Variants in PDZD2 observed in about 807,000 individuals in gnomAD.
PDZD2 encodes PDZ domain containing 2.
PDZD2 carries 90 observed loss-of-function variants against 220.7 expected under a neutral mutation model. The observed-to-expected ratio is 0.41, with a 90% CI of 0.34 to 0.49. The LOEUF (loss-of-function observed/expected upper bound fraction) is 0.49, where lower values mean the gene tolerates loss of function less well. Ranked by LOEUF, PDZD2 falls within the 20% of genes least tolerant of loss-of-function variation. The pLI, the probability that PDZD2 is intolerant of heterozygous loss-of-function variation, is 0.28. For synonymous variants in PDZD2, 1,375 were observed against 1,450.5 expected (o/e 0.95, Z 1.18); for missense variants, 3,174 against 3,608.5 (o/e 0.88, Z 3.08).
chr5:31,957,421 G>T (rs1486810744), intron 2 of PDZD2, among the ~76,000 whole-genome samples: 1 of 152,058 alleles, frequency 6.6e-6, no homozygotes, highest in Non-Finnish European at 1.5e-5. Context: ...GGCTGACCAG[G>T]GTAACATTCA....
intron 2 of PDZD2, among the ~76,000 whole-genome samples, chr5:31,878,554 G>GGTTTTTTTTTTTT (rs1411853055): frequency 2.5e-5 from 1 of 39,258 alleles, no homozygotes; most frequent in Non-Finnish European, 5.3e-5. Context: ...GATGACCTCG[G>GGTTTTTTTTTTTT]CTTTTTTTTT....
chr5:31,706,013 C>T (rs111878772), intron 1 of PDZD2, among the ~76,000 whole-genome samples: 20,699 of 152,164 alleles, frequency 0.14, 1,522 homozygotes, highest in East Asian at 0.21. Flanking sequence ...GATTATACCA[C>T]TGTACTTCAG....
intron 3 of PDZD2, among the ~76,000 whole-genome samples, chr5:31,985,385 A>T (rs1750634520): frequency 6.6e-6 from 1 of 152,210 alleles, no homozygotes; most frequent in Non-Finnish European, 1.5e-5. Context: ...ACACAGTGGA[A>T]ATAATTTGGA....
chr5:31,675,994 G>A lies in PDZD2; in HGVS notation c.-361+36557G>A, dbSNP rs74292544. Among the ~76,000 whole-genome samples the A allele has an allele frequency of 7.2e-5, 11 of 152,282 alleles. No homozygotes were observed. The East Asian group carries it at 1.9e-3, about 27-fold the overall frequency. ...TGGGATTACAGGCGTGAGCCACCGT[G>A]CCCAGCCTCCTTGAAGAACTTTGAA... On this transcript the variant is annotated intron_variant, in intron 1 of 24. Coordinates refer to ENST00000438447, the MANE Select transcript of PDZD2 (RefSeq NM_178140.4).
intron 1 of PDZD2, among the ~76,000 whole-genome samples, chr5:31,641,861 C>T (rs962203664): frequency 4.6e-4 from 70 of 152,162 alleles, no homozygotes; most frequent in Admixed American, 8.5e-4. Flanking sequence ...TTCTTTAGGG[C>T]CTTATTTTTT....
intron 8 of PDZD2, 195 bp from the exon 9 acceptor site, chr5:32,052,416 G>A: frequency 2.0e-6 from 1 of 504,624 alleles, no homozygotes; most frequent in East Asian, 3.7e-5. Flanking sequence ...AAAGTGCTGG[G>A]ATTACAGGCA....
chr5:32,088,690 G>A lies in PDZD2; in HGVS notation c.5242G>A (p.Glu1748Lys), dbSNP rs745306090. Residue 1748 changes from glutamate to lysine, a missense_variant, in exon 20 of 25, where the codon GAA (glutamate) becomes AAA (lysine). Transcript: ENST00000438447. The surrounding 1 kb of genome is among the most constrained non-coding windows in gnomAD (Gnocchi z 4.6). ...LLDDETLNQY[E>K]TSINAAASLS... ...AGATGACGAAACCCTGAATCAATACGAAACAAGCATTAATGCAGCTGCCAG... is the reference window on the plus strand; with the variant it reads ...AGATGACGAAACCCTGAATCAATACAAAACAAGCATTAATGCAGCTGCCAG... 18 of 1,613,804 alleles carry A rather than the reference G, an allele frequency of 1.1e-5. No homozygotes were observed. Among genetic ancestry groups the A allele is most frequent in the Middle Eastern group, 3.3e-4 (2 of 6,082 alleles).
intron 6 of PDZD2, among the ~76,000 whole-genome samples, chr5:32,020,537 A>T (rs1201873629): frequency 1.3e-5 from 2 of 152,284 alleles, no homozygotes; most frequent in African/African-American, 4.8e-5. Flanking sequence ...TAATGTAGAT[A>T]ATGTTGCTGC....
At chr5:31,751,972 A>G (rs1287197695) in intron 1 of PDZD2, among the ~76,000 whole-genome samples, 3 of 151,474 alleles carry the variant, frequency 2.0e-5, no homozygotes, top group Non-Finnish European at 4.4e-5. Context: ...CTGCACCCCA[A>G]TGCTTCTCTG....
chr5:31,762,305 C>T (rs1187234575), intron 1 of PDZD2, among the ~76,000 whole-genome samples: 2 of 152,176 alleles, frequency 1.3e-5, no homozygotes, highest in African/African-American at 4.8e-5. Flanking sequence ...TGTTTTGAGA[C>T]CAAGTTTCAC....
At chr5:31,773,433 G>A (rs1752450913) in intron 1 of PDZD2, among the ~76,000 whole-genome samples, 1 of 150,134 alleles carries the variant, frequency 6.7e-6, no homozygotes, top group Admixed American at 6.7e-5. Context: ...GAGGTCAGGA[G>A]CCCGAGACCA....
chr5:32,042,458 A>C (rs991585966), intron 7 of PDZD2, among the ~76,000 whole-genome samples: 7 of 151,950 alleles, frequency 4.6e-5, no homozygotes, highest in Non-Finnish European at 8.8e-5. Flanking sequence ...CTATAATCCC[A>C]GCTACTCGGG....
Position 31,735,481 on chromosome 5 carries a change from G to C in PDZD2, c.-360-63408G>C, listed in dbSNP as rs183580684. On this transcript the variant is annotated intron_variant, in intron 1 of 24. Coordinates refer to ENST00000438447, the MANE Select transcript of PDZD2 (RefSeq NM_178140.4). Reference sequence around the variant, plus strand: ...GAAGAGCCCAATAATGACCTTCCATGACCCATTTGTAAACTCTGTATTTTA... The same window carrying C: ...GAAGAGCCCAATAATGACCTTCCATCACCCATTTGTAAACTCTGTATTTTA... Among the ~76,000 whole-genome samples the C allele has an allele frequency of 1.8e-4, 27 of 152,248 alleles. 1 individual carries two copies. Among genetic ancestry groups the C allele is most frequent in the Admixed American group, 8.5e-4 (13 of 15,290 alleles).
At chr5:32,014,566 C>A (rs1753584284) in intron 6 of PDZD2, among the ~76,000 whole-genome samples, 2 of 152,108 alleles carry the variant, frequency 1.3e-5, no homozygotes, top group Admixed American at 1.3e-4. Flanking sequence ...GTCACCACCA[C>A]CACAAGATTA....
At chr5:31,942,476 CTTT>C (rs1561144423) in intron 2 of PDZD2, among the ~76,000 whole-genome samples, 1 of 151,882 alleles carries the variant, frequency 6.6e-6, no homozygotes, top group Non-Finnish European at 1.5e-5. Context: ...TTGAGCAAAA[CTTT>C]TTTTTAAAGA....
At chr5:32,018,717 G>A (rs1268533487) in intron 6 of PDZD2, among the ~76,000 whole-genome samples, 1 of 152,154 alleles carries the variant, frequency 6.6e-6, no homozygotes, top group Non-Finnish European at 1.5e-5. Flanking sequence ...ACCTCAGCCC[G>A]GGACTTCCCA....
chr5:32,024,763 C>T (rs369599086), intron 6 of PDZD2, among the ~76,000 whole-genome samples: 3 of 152,036 alleles, frequency 2.0e-5, no homozygotes, highest in East Asian at 1.9e-4. Flanking sequence ...ATGGGGGCTC[C>T]GTTGTAGATG....
intron 2 of PDZD2, among the ~76,000 whole-genome samples, chr5:31,881,856 A>AGT (rs1739958830): frequency 6.6e-6 from 1 of 151,332 alleles, no homozygotes; most frequent in Non-Finnish European, 1.5e-5. Flanking sequence ...CTGGGACTAC[A>AGT]CGCATGCATC....
intron 3 of PDZD2, among the ~76,000 whole-genome samples, chr5:31,991,810 C>A (rs1323626181): frequency 2.0e-5 from 3 of 152,152 alleles, no homozygotes; most frequent in African/African-American, 7.2e-5. Flanking sequence ...GGGCAGATCA[C>A]CAGTGGTCAG....
Sources: gnomAD v4.1 joint callset for allele counts (sites outside exome capture counted in the v4.1 genomes callset) on GRCh38, gnomAD v4.1.1 for gene constraint, Gnocchi (gnomAD v3.1) non-coding constraint, MANE v1.5 for transcripts, NCBI Gene and HGNC (gene_info 2026-07-23, HGNC 2026-07-21) for gene names.